Variants in KIF26B observed in about 807,000 individuals in gnomAD.
KIF26B encodes the protein kinesin family member 26B.
KIF26B carries 63 observed loss-of-function variants against 151.2 expected under a neutral mutation model. The observed-to-expected ratio is 0.42, with a 90% CI of 0.34 to 0.51. KIF26B has a LOEUF of 0.51. Among genes scored for constraint, KIF26B ranks in the 20% least tolerant of loss-of-function variants. The pLI is 0.07. For synonymous variants in KIF26B, 1,357 were observed against 1,262.1 expected (o/e 1.08, Z -1.59); for missense variants, 2,813 against 2,913.6 (o/e 0.97, Z 0.79).
Position 245,687,483 on chromosome 1 carries a change from C to T in KIF26B, c.4500C>T (p.Ser1500=). The T allele has an allele frequency of 6.3e-7, 1 of 1,583,152 alleles. No individual in the cohort carries two copies. Among genetic ancestry groups the T allele is most frequent in the Non-Finnish European group, 8.6e-7 (1 of 1,165,000 alleles). The change falls in exon 12 of 15, where the codon TCC becomes TCT. Residue 1500 remains serine, a synonymous_variant. Coordinates refer to ENST00000407071, the MANE Select transcript of KIF26B (RefSeq NM_018012.4). This position sits in a 1 kb window ranked among gnomAD's most constrained non-coding sequence, Gnocchi z 4.9. The part of the protein sequence containing the change: ...LSSSSGEVSA[S]PVTDNFRRVV... ...GCAGCAGCGGAGAGGTGTCGGCCTC[C>T]CCGGTCACTGACAACTTCAGGAGGG...
intron 2 of KIF26B, chr1:245,283,084 AG>A (rs1671092480): frequency 1.2e-5 from 2 of 168,798 alleles, no homozygotes; most frequent in African/African-American, 4.8e-5. Context: ...ACCACCTACT[AG>A]CCATGGCTCC....
chr1:245,515,119 A>G (rs2103086252), intron 4 of KIF26B, among the ~76,000 whole-genome samples: 1 of 152,240 alleles, frequency 6.6e-6, no homozygotes, highest in East Asian at 1.9e-4. Context: ...TCTTAAGAAA[A>G]TGATCACCCC....
chr1:245,480,044 G>A (rs1357960234), intron 4 of KIF26B, among the ~76,000 whole-genome samples: 4 of 151,776 alleles, frequency 2.6e-5, no homozygotes, highest in South Asian at 2.1e-4. Context: ...CAGGTGGATC[G>A]CTTGAGCCCA....
At chr1:245,181,991 T>C (rs1229125085) in intron 2 of KIF26B, among the ~76,000 whole-genome samples, 1 of 152,186 alleles carries the variant, frequency 6.6e-6, no homozygotes, top group East Asian at 1.9e-4. Context: ...TTATGTGCCA[T>C]AAAATTCACC....
rs549779117 is a variant in KIF26B at position 245,467,227 on chromosome 1, A to G, written c.1166+47482A>G. ...ATCCTGTTAACTCTTAGGCATTTAT[A>G]CCCCCAATGTGGTGGGATAAAAGGA... On this transcript the variant is annotated intron_variant, in intron 4 of 14. Transcript: ENST00000407071. 7.9e-5 allele frequency among the ~76,000 whole-genome samples: 12 copies of G among 152,320 alleles called. No homozygotes were observed. The South Asian group carries it at 2.1e-3, about 26-fold the overall frequency.
intron 2 of KIF26B, among the ~76,000 whole-genome samples, chr1:245,157,246 C>T (rs2103515627): frequency 6.6e-6 from 1 of 152,358 alleles, no homozygotes; most frequent in Middle Eastern, 3.4e-3. Context: ...GTGCTCCCTC[C>T]TGGCCTGCTC....
At chr1:245,230,243 C>T (rs889299805) in intron 2 of KIF26B, among the ~76,000 whole-genome samples, 2 of 151,928 alleles carry the variant, frequency 1.3e-5, no homozygotes, top group African/African-American at 4.8e-5. Context: ...ATAAATGTCC[C>T]GAAGCAGCAG....
At position 245,686,368 on chromosome 1, in the gene KIF26B, G is replaced by T. The variant is rs1286767364; in HGVS notation, c.3385G>T (p.Val1129Phe). 1 of 1,613,300 alleles carries T rather than the reference G, an allele frequency of 6.2e-7. No individual in the cohort carries two copies. Among genetic ancestry groups the T allele is most frequent in the African/African-American group, 1.3e-5 (1 of 74,920 alleles). The change falls in exon 12 of 15, where the codon GTT becomes TTT. Residue 1129 changes from valine (V) to phenylalanine (F), a missense_variant. Val to Phe is a conservative substitution (Grantham distance 50, BLOSUM62 -1). Transcript: ENST00000407071. The surrounding 1 kb of genome is among the most constrained non-coding windows in gnomAD (Gnocchi z 5.6). ...LLQPEVRTPPVGMSPQVLKKS... is the reference protein window; with the variant it reads ...LLQPEVRTPPFGMSPQVLKKS... ...GCAGCCCGAGGTGCGTACGCCCCCG[G>T]TTGGAATGAGCCCCCAGGTTTTGAA...
At chr1:245,652,102 C>CTGTG (rs56893913) in intron 10 of KIF26B, among the ~76,000 whole-genome samples, 7,274 of 136,270 alleles carry the variant, frequency 0.053, 286 homozygotes, top group East Asian at 0.24. Context: ...ATGTAAGAAT[C>CTGTG]TGTGTGTGTG....
At chr1:245,464,621 T>C (rs940859186) in intron 4 of KIF26B, among the ~76,000 whole-genome samples, 1 of 147,480 alleles carries the variant, frequency 6.8e-6, no homozygotes, top group Non-Finnish European at 1.5e-5. Context: ...GGTGTGTGGG[T>C]GTGTGCATGT....
chr1:245,216,322 C>T (rs997232620), intron 2 of KIF26B: 1 of 152,008 alleles, frequency 6.6e-6, no homozygotes, highest in African/African-American at 2.4e-5. Context: ...AAAAGAAGGG[C>T]AGGAGAAGGA....
At chr1:245,156,131 G>A (rs1668426817) in intron 1 of KIF26B, 151 bp from the exon 2 acceptor site, 2 of 1,172,590 alleles carry the variant, frequency 1.7e-6, no homozygotes, top group Middle Eastern at 2.9e-4. Context: ...GAGACAGACG[G>A]AGGGCAATTT....
chr1:245,213,697 C>T (rs7552233), intron 2 of KIF26B, among the ~76,000 whole-genome samples: 89,253 of 152,116 alleles, frequency 0.59, 27,805 homozygotes, highest in Non-Finnish European at 0.7. Flanking sequence ...AGGCGTTGTG[C>T]GTGGTGTGGA....
rs1409905677 is a variant in KIF26B, at chr1:245,156,668, G to A, written c.450G>A (p.Gly150=). 6.7e-6 allele frequency: 10 copies of A among 1,500,828 alleles called. No individual in the cohort carries two copies. Among genetic ancestry groups the A allele is most frequent in the Non-Finnish European group, 7.1e-6 (8 of 1,132,344 alleles). The allele number at this position is 1,500,828 out of a possible 1,614,324, so 93.0% of individuals were successfully genotyped here. Reference sequence around the variant, plus strand: ...AGGCCCTGAGGTTGCTCCTCCCGGGGCCCTTCCCGGGCAAGGTGAGCGCCG... The same window carrying A: ...AGGCCCTGAGGTTGCTCCTCCCGGGACCCTTCCCGGGCAAGGTGAGCGCCG... ...KRQALRLLLP[G]PFPGKDPAFS... Residue 150 remains glycine (G), a synonymous_variant, in exon 2 of 15, where the codon GGG becomes GGA. Transcript: ENST00000407071.
intron 4 of KIF26B, among the ~76,000 whole-genome samples, chr1:245,472,245 G>A (rs938216733): frequency 6.6e-5 from 10 of 152,306 alleles, no homozygotes; most frequent in Admixed American, 1.3e-4. Context: ...AACACACAGC[G>A]CCTTGCCCGT....
At chr1:245,248,043 C>G (rs1053054423) in intron 2 of KIF26B, among the ~76,000 whole-genome samples, 1 of 152,096 alleles carries the variant, frequency 6.6e-6, no homozygotes, top group African/African-American at 2.4e-5. Context: ...AGTGCCAACA[C>G]GGCCGTGCAC....
chr1:245,651,753 T>C (rs1338175042), intron 10 of KIF26B, among the ~76,000 whole-genome samples: 1 of 152,158 alleles, frequency 6.6e-6, no homozygotes, highest in African/African-American at 2.4e-5. Context: ...GAACTGTGTG[T>C]GCGAGGGATC....
intron 3 of KIF26B, among the ~76,000 whole-genome samples, chr1:245,401,507 A>C (rs538120058): frequency 1.2e-4 from 18 of 152,352 alleles, no homozygotes; most frequent in African/African-American, 4.3e-4. Flanking sequence ...TGATAATGGC[A>C]AACAAAGGAC....
intron 10 of KIF26B, among the ~76,000 whole-genome samples, chr1:245,651,927 T>A (rs6669327): frequency 6.6e-6 from 1 of 151,862 alleles, no homozygotes; most frequent in African/African-American, 2.4e-5. Flanking sequence ...TGCGGAGCCA[T>A]GGCATTGAAT....
Sources: gnomAD v4.1 joint callset for allele counts (sites outside exome capture counted in the v4.1 genomes callset) on GRCh38, gnomAD v4.1.1 for gene constraint, Gnocchi (gnomAD v3.1) non-coding constraint, MANE v1.5 for transcripts, NCBI Gene and HGNC (gene_info 2026-07-23, HGNC 2026-07-21) for gene names.